Variants in PDLIM5 observed in about 807,000 individuals in gnomAD.
PDLIM5 encodes the protein PDZ and LIM domain protein 5.
In PDLIM5, 34 loss-of-function variants were observed where a neutral mutation model predicts 64.2. That is an observed-to-expected ratio of 0.53 (90% CI 0.40 to 0.71). PDLIM5 has a LOEUF of 0.71. Among genes scored for constraint, PDLIM5 ranks in the 30% least tolerant of loss-of-function variants. The pLI is 0.00. For missense variants in PDLIM5, 683 were observed against 733.6 expected (o/e 0.93, Z 0.80); for synonymous variants, 253 against 269.1 (o/e 0.94, Z 0.59).
chr4:94,514,260 A>G (rs1264353744), intron 2 of PDLIM5, among the ~76,000 whole-genome samples: 1 of 149,588 alleles, frequency 6.7e-6, no homozygotes, highest in Non-Finnish European at 1.5e-5. Context: ...TCAGCCTCCC[A>G]AGTAGCTGGG....
chr4:94,610,134 T>C, intron 7 of PDLIM5: 2 of 1,431,576 alleles, frequency 1.4e-6, no homozygotes, highest in Non-Finnish European at 9.4e-7. Flanking sequence ...TTTGTTCCTC[T>C]CCTGTTTTTC....
rs867587568 is a variant in PDLIM5 at position 94,643,244 on chromosome 4, G to A, written c.1283+2794G>A. Among the ~76,000 whole-genome samples, 3 of 152,146 alleles carry A rather than the reference G, an allele frequency of 2.0e-5. No homozygotes were observed. The East Asian group carries it at 5.8e-4, about 29-fold the overall frequency. On this transcript the variant is annotated intron_variant, in intron 9 of 12. Coordinates refer to ENST00000317968, the MANE Select transcript of PDLIM5 (RefSeq NM_006457.5). ...ATTGTGAAAAGTTTATGGATGTTTT[G>A]CCTAAATTGTATTATGGAGACATTA...
At chr4:94,648,470 C>T (rs374889921) in intron 9 of PDLIM5, among the ~76,000 whole-genome samples, 7 of 152,330 alleles carry the variant, frequency 4.6e-5, no homozygotes, top group East Asian at 3.9e-4. Flanking sequence ...CAGGCCTGCA[C>T]CACCATGCTC....
intron 2 of PDLIM5, among the ~76,000 whole-genome samples, chr4:94,469,262 C>A (rs1177347444): frequency 6.6e-6 from 1 of 152,084 alleles, no homozygotes; most frequent in Non-Finnish European, 1.5e-5. Context: ...AAAACATAAG[C>A]AATGTAATTT....
chr4:94,454,782 T>C (rs953651482), intron 1 of PDLIM5, among the ~76,000 whole-genome samples: 1 of 152,218 alleles, frequency 6.6e-6, no homozygotes, highest in Non-Finnish European at 1.5e-5. Flanking sequence ...GCCTACTGAT[T>C]TGCAGTCTCT....
chr4:94,503,307 T>C (rs1447776141), intron 2 of PDLIM5, among the ~76,000 whole-genome samples: 1 of 152,212 alleles, frequency 6.6e-6, no homozygotes, highest in East Asian at 1.9e-4. Flanking sequence ...GTGACTGGTG[T>C]ACTCCGATTT....
chr4:94,608,308 C>A, intron 7 of PDLIM5: 1 of 466,248 alleles, frequency 2.1e-6, no homozygotes, highest in Non-Finnish European at 3.6e-6. Flanking sequence ...GACAAGAAAG[C>A]TTGGCACTCA....
intron 5 of PDLIM5, among the ~76,000 whole-genome samples, chr4:94,579,022 A>T (rs1481456634): frequency 6.6e-6 from 1 of 152,056 alleles, no homozygotes; most frequent in Non-Finnish European, 1.5e-5. Context: ...CTTATTAATG[A>T]AGCATCATTA....
chr4:94,474,869 A>G (rs571617949), intron 2 of PDLIM5, among the ~76,000 whole-genome samples: 2 of 152,098 alleles, frequency 1.3e-5, no homozygotes, highest in East Asian at 1.9e-4. Flanking sequence ...CCAGGCTGGT[A>G]TTGAACTGTT....
chr4:94,498,761 G>C (rs552469848), intron 2 of PDLIM5, among the ~76,000 whole-genome samples: 1 of 152,230 alleles, frequency 6.6e-6, no homozygotes, highest in East Asian at 1.9e-4. Context: ...AAAGTTTTGA[G>C]GGTTTTTCTC....
At chr4:94,638,034 G>A (rs1477417801) in intron 8 of PDLIM5, among the ~76,000 whole-genome samples, 2 of 152,222 alleles carry the variant, frequency 1.3e-5, no homozygotes, top group Non-Finnish European at 2.9e-5. Flanking sequence ...GCCTGCGTGA[G>A]TGGGAGAATT....
chr4:94,534,482 A>G (rs1039942280), intron 3 of PDLIM5, among the ~76,000 whole-genome samples: 1 of 152,186 alleles, frequency 6.6e-6, no homozygotes, highest in African/African-American at 2.4e-5. Context: ...AGAGATTTAT[A>G]ATCTTTGCCC....
chr4:94,476,367 T>C (rs900714025), intron 2 of PDLIM5, among the ~76,000 whole-genome samples: 2 of 152,184 alleles, frequency 1.3e-5, no homozygotes, highest in African/African-American at 4.8e-5. Context: ...TCTTTTTTTA[T>C]AAATAGTAAT....
chr4:94,547,175 A>G (rs1383672136), intron 3 of PDLIM5, among the ~76,000 whole-genome samples: 2 of 152,172 alleles, frequency 1.3e-5, no homozygotes, highest in African/African-American at 4.8e-5. Flanking sequence ...TGCTGTAACA[A>G]ATTACCAACT....
chr4:94,457,059 T>C, intron 2 of PDLIM5: 1 of 880,524 alleles, frequency 1.1e-6, no homozygotes, highest in Non-Finnish European at 1.4e-6. Flanking sequence ...TAATAATATA[T>C]GTGTATGTAT....
chr4:94,633,516 T>C (rs1405026785), intron 8 of PDLIM5, among the ~76,000 whole-genome samples: 1 of 152,204 alleles, frequency 6.6e-6, no homozygotes, highest in Non-Finnish European at 1.5e-5. Context: ...TGACAAGACA[T>C]TCCAAACTCT....
At chr4:94,464,454 G>T (rs546646137) in intron 2 of PDLIM5, among the ~76,000 whole-genome samples, 13 of 152,192 alleles carry the variant, frequency 8.5e-5, no homozygotes, top group Non-Finnish European at 1.8e-4. Flanking sequence ...AGAATTAAGA[G>T]ATTTAGTAAG....
chr4:94,585,281 G>A (rs1379281146), intron 5 of PDLIM5, among the ~76,000 whole-genome samples: 1 of 152,028 alleles, frequency 6.6e-6, no homozygotes, highest in Non-Finnish European at 1.5e-5. Flanking sequence ...TAGCAGAGAC[G>A]GAGTTTCACT....
At chr4:94,557,960 A>G (rs1733498103) in intron 3 of PDLIM5, among the ~76,000 whole-genome samples, 2 of 152,186 alleles carry the variant, frequency 1.3e-5, no homozygotes, top group Admixed American at 1.3e-4. Context: ...AGGAGTGGTG[A>G]AAGGGGGCAT....
Sources: allele counts gnomAD v4.1 joint callset (sites outside exome capture counted in the v4.1 genomes callset), GRCh38; gene constraint gnomAD v4.1.1; transcripts MANE v1.5; gene names NCBI Gene and HGNC (gene_info 2026-07-23, HGNC 2026-07-21).